ECT2L: variants seen among roughly 807,000 people sequenced by gnomAD.
The protein encoded by ECT2L is epithelial cell transforming 2 like.
ECT2L carries 126 observed loss-of-function variants against 122.8 expected under a neutral mutation model. The observed-to-expected ratio is 1.03, with a 90% CI of 0.89 to 1.19. ECT2L has a LOEUF of 1.19. Among genes scored for constraint, ECT2L ranks in the 50% most tolerant of loss-of-function variants. ECT2L has a pLI of 0.00. For synonymous variants in ECT2L, 385 were observed against 381.8 expected (o/e 1.01, Z -0.10); for missense variants, 1,012 against 1,064.1 (o/e 0.95, Z 0.68).
At chr6:138,849,973 T>A (rs1777375922) in intron 9 of ECT2L, among the ~76,000 whole-genome samples, 1 of 152,074 alleles carries the variant, frequency 6.6e-6, no homozygotes, top group African/African-American at 2.4e-5. Flanking sequence ...GTGAAACAGC[T>A]CTCCAAAAAT....
chr6:138,809,871 A>C (rs979345909), intron 1 of ECT2L, among the ~76,000 whole-genome samples: 6 of 152,188 alleles, frequency 3.9e-5, no homozygotes, highest in Admixed American at 6.5e-5. Context: ...GGATGTTTCC[A>C]TAACAACAGC....
At chr6:138,802,475 T>C (rs1775575692) in intron 1 of ECT2L, among the ~76,000 whole-genome samples, 1 of 152,250 alleles carries the variant, frequency 6.6e-6, no homozygotes, top group Non-Finnish European at 1.5e-5. Context: ...AGTCTCCATA[T>C]AACAATGAAC....
chr6:138,849,571 A>AG, intron 9 of ECT2L, 137 bp downstream of exon 9: 1 of 851,524 alleles, frequency 1.2e-6, no homozygotes, highest in South Asian at 2.2e-5. Context: ...AAAAAAGCGA[A>AG]GCTTTTTTTT....
At chr6:138,893,933 C>A in intron 20 of ECT2L, among the ~76,000 whole-genome samples, 1 of 152,234 alleles carries the variant, frequency 6.6e-6, no homozygotes, top group East Asian at 1.9e-4. Context: ...AGCAGCCTAT[C>A]ATTCCAGCTT....
In ECT2L at chr6:138,816,523, C is replaced by T. The variant is rs35609877; in HGVS notation, c.179+1920C>T. On this transcript the variant is annotated intron_variant, in intron 4 of 21. Coordinates refer to ENST00000541398, the MANE Select transcript of ECT2L (RefSeq NM_001077706.3). ...TTTTTGAGATGGAGTCTTGCTCTGTCGCCCAGGCTGGAGTGCAGTGGCGCG... is the reference window on the plus strand; with the variant it reads ...TTTTTGAGATGGAGTCTTGCTCTGTTGCCCAGGCTGGAGTGCAGTGGCGCG... Among the ~76,000 whole-genome samples the T allele has an allele frequency of 2.6e-4, 40 of 151,926 alleles. 1 individual carries two copies. The Middle Eastern group carries it at 0.01, about 39-fold the overall frequency.
intron 11 of ECT2L, among the ~76,000 whole-genome samples, chr6:138,864,002 T>TG (rs1417290086): frequency 1.8e-5 from 1 of 55,846 alleles, no homozygotes; most frequent in Non-Finnish European, 2.9e-5. Context: ...TCTCCGTATT[T>TG]AAAAAAAAAA....
chr6:138,872,101 A>G (rs1299120741), intron 13 of ECT2L, among the ~76,000 whole-genome samples: 1 of 151,944 alleles, frequency 6.6e-6, no homozygotes, highest in East Asian at 1.9e-4. Context: ...CAGCCTCCCA[A>G]TGTGCTGGGA....
At position 138,834,178 on chromosome 6, in the gene ECT2L, C is replaced by A. The variant is rs183860709; in HGVS notation, c.180-4174C>A. On this transcript the variant is annotated intron_variant, in intron 4 of 21. Transcript: ENST00000541398. Reference sequence around the variant, plus strand: ...TCATGAATTATTTAAATGACACCATCCTCGTCACAATAAATGAGCAAAACA... The same window carrying A: ...TCATGAATTATTTAAATGACACCATACTCGTCACAATAAATGAGCAAAACA... Among the ~76,000 whole-genome samples, 14 of 152,340 alleles carry A rather than the reference C, an allele frequency of 9.2e-5. No homozygotes were observed. The East Asian group carries it at 2.7e-3, about 29-fold the overall frequency.
rs555095345 is a variant in ECT2L, at chr6:138,864,728, C to G, written c.1292-268C>G. Among the ~76,000 whole-genome samples the G allele has an allele frequency of 6.6e-4, 100 of 152,304 alleles. 1 individual carries two copies. The South Asian group carries it at 0.02, about 30-fold the overall frequency. On this transcript the variant is annotated intron_variant, in intron 11 of 21. Coordinates refer to ENST00000541398, the MANE Select transcript of ECT2L (RefSeq NM_001077706.3). ...AGCTTCCCAATGCACAATCCAGCAG[C>G]TGTTTTTTTTCTTTAAACATTGAAT...
At chr6:138,868,748 C>A in intron 13 of ECT2L, among the ~76,000 whole-genome samples, 1 of 152,178 alleles carries the variant, frequency 6.6e-6, no homozygotes, top group Non-Finnish European at 1.5e-5. Flanking sequence ...GGTTCTCTCT[C>A]ATTAAGGTCA....
intron 6 of ECT2L, 116 bp downstream of exon 6, chr6:138,843,347 T>G: frequency 9.3e-7 from 1 of 1,069,924 alleles, no homozygotes; most frequent in Non-Finnish European, 1.3e-6. Flanking sequence ...AGTGGCAGTC[T>G]TAAGTATTTT....
chr6:138,895,087 C>T (rs749980611), intron 20 of ECT2L, among the ~76,000 whole-genome samples: 1 of 151,888 alleles, frequency 6.6e-6, no homozygotes, highest in Non-Finnish European at 1.5e-5. Flanking sequence ...AGTTGGACCC[C>T]GTCTCTACAG....
intron 13 of ECT2L, among the ~76,000 whole-genome samples, chr6:138,869,424 G>A (rs1582637874): frequency 6.6e-6 from 1 of 152,142 alleles, no homozygotes; most frequent in African/African-American, 2.4e-5. Context: ...GTGGCTTCCT[G>A]GGTCTGCACC....
chr6:138,834,660 A>G (rs1407226400), intron 4 of ECT2L, among the ~76,000 whole-genome samples: 1 of 152,174 alleles, frequency 6.6e-6, no homozygotes, highest in Non-Finnish European at 1.5e-5. Context: ...CTTATCTCAA[A>G]GGCTAGCAAA....
At chr6:138,849,116 T>G (rs1167051494) in intron 8 of ECT2L, among the ~76,000 whole-genome samples, 153 bp from the exon 9 acceptor site, 2 of 152,228 alleles carry the variant, frequency 1.3e-5, no homozygotes, top group African/African-American at 2.4e-5. Flanking sequence ...AAACTAATTT[T>G]AATAGAAACC....
At chr6:138,864,963 G>A in intron 11 of ECT2L, 33 bp from the exon 12 acceptor site, 1 of 1,589,582 alleles carries the variant, frequency 6.3e-7, no homozygotes, top group South Asian at 1.1e-5. Flanking sequence ...CTGAGCTCAA[G>A]CCTGCAATAA....
intron 1 of ECT2L, among the ~76,000 whole-genome samples, chr6:138,798,215 T>C (rs756945671): frequency 2.0e-5 from 3 of 152,208 alleles, no homozygotes; most frequent in Non-Finnish European, 4.4e-5. Context: ...GCACAATTGA[T>C]GACATCATTG....
In ECT2L at chr6:138,854,114, AG is replaced by A. The variant is rs774035174; in HGVS notation, c.1163del (p.Gly388ValfsTer25). 3.7e-6 allele frequency: 6 copies of A among 1,614,162 alleles called. No individual in the cohort carries two copies. Among genetic ancestry groups the A allele is most frequent in the East Asian group, 2.2e-5 (1 of 44,884 alleles). ...GAAGCTATGTGGCCACTGAAGAAGA[AG>A]GGGGTCACGTGGACTTCTTCGTGCC... is the stretch of plus-strand genomic sequence containing the variant. ...LGSYVATEEE[G>X]GHVDFFVPLG... is the part of the protein sequence containing the mutation. On this transcript the variant is annotated frameshift_variant, in exon 10 of 22. Coordinates refer to ENST00000541398, the MANE Select transcript of ECT2L (RefSeq NM_001077706.3). LOFTEE classifies it high-confidence loss of function.
At chr6:138,862,575 T>C (rs765283064) in intron 10 of ECT2L, 52 bp from the exon 11 acceptor site, 33 of 1,539,824 alleles carry the variant, frequency 2.1e-5, no homozygotes, top group Non-Finnish European at 2.5e-5. Context: ...TTATATGATC[T>C]TCCATGGCAA....
Sources: allele counts gnomAD v4.1 joint callset (sites outside exome capture counted in the v4.1 genomes callset), GRCh38; gene constraint gnomAD v4.1.1; transcripts MANE v1.5; gene names NCBI Gene and HGNC (gene_info 2026-07-23, HGNC 2026-07-21).